Variants in ANKRD13C observed in about 807,000 individuals in gnomAD.
ANKRD13C encodes ankyrin repeat domain-containing protein 13C.
In ANKRD13C, 16 loss-of-function variants were observed where a neutral mutation model predicts 65.5. That is an observed-to-expected ratio of 0.24 (90% confidence interval 0.17 to 0.37). ANKRD13C has a LOEUF of 0.37. Ranked by LOEUF, ANKRD13C falls within the 10% of genes least tolerant of loss-of-function variation. ANKRD13C has a pLI of 1.00. For synonymous variants in ANKRD13C, 235 were observed against 238.7 expected, an observed-to-expected ratio of 0.98 and a Z score of 0.14; for missense variants, 503 against 655.9, an observed-to-expected ratio of 0.77 and a Z score of 2.55.
chr1:70,306,132 C>A, intron 6 of ANKRD13C, 92 bp downstream of exon 6: 1 of 826,994 alleles, frequency 1.2e-6, no homozygotes, highest in South Asian at 2.5e-5. Flanking sequence ...ATTTTAACGT[C>A]ATAAAACACA....
rs552067894 is a variant in ANKRD13C, at chr1:70,318,744, G to A, written c.578-3178C>T. Among the ~76,000 whole-genome samples, 28 of 142,732 alleles carry A rather than the reference G, an allele frequency of 2.0e-4. No homozygotes were observed. The South Asian group carries it at 2.0e-3, about 10-fold the overall frequency. The allele number at this position is 142,732 out of a possible 152,430, so 93.6% of individuals were successfully genotyped here. A position where few individuals can be genotyped will look rare whatever the true frequency, so the allele number is the denominator to read the frequency against. ...TGTCGCCAGGCTGGAATGCAGCGGCGCAATCTTGGCTCACTGCAACCTCTG... is the reference window on the plus strand; with the variant it reads ...TGTCGCCAGGCTGGAATGCAGCGGCACAATCTTGGCTCACTGCAACCTCTG... On this transcript the variant is annotated intron_variant, in intron 3 of 12. Coordinates refer to ENST00000370944, the MANE Select transcript of ANKRD13C (RefSeq NM_030816.5).
At chr1:70,352,950 A>G (rs937950796) in intron 1 of ANKRD13C, among the ~76,000 whole-genome samples, 2 of 152,192 alleles carry the variant, frequency 1.3e-5, no homozygotes, top group African/African-American at 4.8e-5. Flanking sequence ...TTTGTCCTAA[A>G]AAGCCTACGA....
rs1372568824 is a variant in ANKRD13C, at chr1:70,271,779, T to C, written c.1395-823A>G. Among the ~76,000 whole-genome samples, 7 of 152,328 alleles carry C rather than the reference T, an allele frequency of 4.6e-5. 1 individual carries two copies. The highest frequency in any genetic ancestry group is 3.4e-3 in the Middle Eastern group (1 of 294). On this transcript the variant is annotated intron_variant, in intron 11 of 12. Transcript: ENST00000370944. ...TGGAACCTAATGTCATCCTATAGAT[T>C]TAGTTCTTCATTACAGAGAAATTTT... is the stretch of plus-strand genomic sequence containing the variant.
chr1:70,264,919 T>C (rs1237340034), intron 12 of ANKRD13C, among the ~76,000 whole-genome samples: 1 of 151,996 alleles, frequency 6.6e-6, no homozygotes, highest in Non-Finnish European at 1.5e-5. Flanking sequence ...GAACAAACCA[T>C]GCAGTTGCCT....
intron 9 of ANKRD13C, among the ~76,000 whole-genome samples, chr1:70,281,074 A>G (rs1351594658): frequency 5.9e-5 from 9 of 152,060 alleles, no homozygotes; most frequent in Admixed American, 4.6e-4. Context: ...AAGAGGAAGG[A>G]GGGAAGAAAG....
At chr1:70,310,759 C>A (rs983015619) in intron 5 of ANKRD13C, among the ~76,000 whole-genome samples, 1 of 152,148 alleles carries the variant, frequency 6.6e-6, no homozygotes, top group Admixed American at 6.5e-5. Context: ...AGCCAAAATA[C>A]TCAAGGGACA....
intron 10 of ANKRD13C, among the ~76,000 whole-genome samples, chr1:70,275,978 A>C (rs1001027789): frequency 1.3e-5 from 2 of 150,762 alleles, no homozygotes; most frequent in African/African-American, 2.4e-5. Context: ...AAAAAAAAAA[A>C]AAAACTATAA....
intron 9 of ANKRD13C, among the ~76,000 whole-genome samples, chr1:70,279,907 T>C (rs374481294): frequency 1.3e-5 from 2 of 152,324 alleles, no homozygotes; most frequent in East Asian, 3.9e-4. Flanking sequence ...AGAGTCCATC[T>C]CAACTAAGAA....
intron 9 of ANKRD13C, among the ~76,000 whole-genome samples, chr1:70,288,335 A>G (rs1679711126): frequency 6.6e-6 from 1 of 152,256 alleles, no homozygotes; most frequent in African/African-American, 2.4e-5. Flanking sequence ...AGTCTCTTAC[A>G]AAACTAAACA....
chr1:70,341,424 C>T (rs925868694), intron 1 of ANKRD13C, among the ~76,000 whole-genome samples: 1 of 132,912 alleles, frequency 7.5e-6, no homozygotes, highest in South Asian at 2.6e-4. Context: ...TGGAATAGTA[C>T]AATCTCGGCT....
chr1:70,297,751 TAAAAA>T (rs1199037012), intron 7 of ANKRD13C, among the ~76,000 whole-genome samples: 1 of 139,990 alleles, frequency 7.1e-6, no homozygotes, highest in East Asian at 2.1e-4. Flanking sequence ...CCGTCTCTAC[TAAAAA>T]AAAAAAATTA....
intron 5 of ANKRD13C, among the ~76,000 whole-genome samples, chr1:70,311,365 C>T (rs901392845): frequency 6.6e-6 from 1 of 152,122 alleles, no homozygotes; most frequent in African/African-American, 2.4e-5. Context: ...GTCCCAGCTA[C>T]TCGGGAGGCT....
chr1:70,317,009 C>T (rs138031803), intron 3 of ANKRD13C, among the ~76,000 whole-genome samples: 243 of 151,190 alleles, frequency 1.6e-3, no homozygotes, highest in African/African-American at 5.4e-3. Flanking sequence ...CCATGTGGAA[C>T]GCAGAAGCAG....
rs774469162 is a variant in ANKRD13C, at chr1:70,354,226, T to C, written c.183A>G (p.Leu61=). ...AGGAGGCCGGAGCTGCCTTCAGCTG[T>C]AGCCGGTGGTGATGGTTACTGAAGA... ...HKIFSNHHHR[L]QLKAAPASSN... is the part of the protein sequence containing the mutation. Residue 61 remains leucine (L), a synonymous_variant, in exon 1 of 13, where the codon CTA becomes CTG. Coordinates refer to ENST00000370944, the MANE Select transcript of ANKRD13C (RefSeq NM_030816.5). 3 of 1,613,610 alleles carry C rather than the reference T, an allele frequency of 1.9e-6. No homozygotes were observed. The highest frequency in any genetic ancestry group is 2.2e-5 in the South Asian group (2 of 91,076).
At chr1:70,279,120 T>A (rs1679268917) in intron 9 of ANKRD13C, among the ~76,000 whole-genome samples, 1 of 151,574 alleles carries the variant, frequency 6.6e-6, no homozygotes, top group Non-Finnish European at 1.5e-5. Flanking sequence ...GGTGGGAGGA[T>A]TCCTTGAGCC....
chr1:70,337,579 C>T (rs1682098856), intron 1 of ANKRD13C, among the ~76,000 whole-genome samples: 1 of 151,602 alleles, frequency 6.6e-6, no homozygotes, highest in Admixed American at 6.6e-5. Flanking sequence ...GAAACTCTGT[C>T]TCAAAATAAA....
intron 2 of ANKRD13C, among the ~76,000 whole-genome samples, chr1:70,331,647 G>T (rs1006152791): frequency 6.6e-6 from 1 of 151,780 alleles, no homozygotes; most frequent in Non-Finnish European, 1.5e-5. Flanking sequence ...TTTGAGACCA[G>T]CCTGGCCAAC....
chr1:70,298,966 G>T lies in ANKRD13C; in HGVS notation c.921+1798C>A, dbSNP rs896410845. On this transcript the variant is annotated intron_variant, in intron 7 of 12. Coordinates refer to ENST00000370944, the MANE Select transcript of ANKRD13C (RefSeq NM_030816.5). Reference sequence around the variant, plus strand: ...CGTAGAATGTACTGATGCTGTATTAGATAACAGGGAATACAACAAAAAGAA... The same window carrying T: ...CGTAGAATGTACTGATGCTGTATTATATAACAGGGAATACAACAAAAAGAA... Among the ~76,000 whole-genome samples the T allele has an allele frequency of 2.6e-5, 4 of 152,038 alleles. No homozygotes were observed. The South Asian group carries it at 8.3e-4, about 31-fold the overall frequency.
rs867987849 is a variant in ANKRD13C at position 70,265,794 on chromosome 1, T to C, written c.1496-2947A>G. On this transcript the variant is annotated intron_variant, in intron 12 of 12. Transcript: ENST00000370944. ...GAGCCGAGATCATGCCACTGCATTC[T>C]AGCCTGTGCAACAGTGTCAGACCTT... Among the ~76,000 whole-genome samples the C allele has an allele frequency of 8.1e-5, 10 of 123,652 alleles. No homozygotes were observed. The Middle Eastern group carries it at 0.022, about 277-fold the overall frequency. 81.1% of individuals were successfully genotyped at this position (123,652 alleles called of 152,430 possible).
Sources: allele counts gnomAD v4.1 joint callset (sites outside exome capture counted in the v4.1 genomes callset), GRCh38; gene constraint gnomAD v4.1.1; transcripts MANE v1.5; gene names NCBI Gene and HGNC (gene_info 2026-07-23, HGNC 2026-07-21).